Variants in PREPL observed in about 807,000 individuals in gnomAD.
PREPL encodes the protein prolyl endopeptidase-like.
PREPL carries 77 observed loss-of-function variants against 70.6 expected under a neutral mutation model. The observed-to-expected ratio is 1.09, with a 90% CI of 0.91 to 1.32. PREPL has a LOEUF of 1.32. Among genes scored for constraint, PREPL ranks in the 40% most tolerant of loss-of-function variants. The pLI is 0.00. For missense variants in PREPL, 1,002 were observed against 778.2 expected (o/e 1.29, Z -3.42); for synonymous variants, 315 against 264.8 (o/e 1.19, Z -1.84).
intron 10 of PREPL, 25 bp downstream of exon 10, chr2:44,326,687 A>C (rs1178624584): frequency 1.9e-6 from 3 of 1,599,882 alleles, no homozygotes; most frequent in Non-Finnish European, 2.6e-6. Flanking sequence ...CCATTCTATA[A>C]ACAGTAGAGA....
At chr2:44,358,817 A>AT (rs1242909706) in intron 1 of PREPL, among the ~76,000 whole-genome samples, 3 of 152,052 alleles carry the variant, frequency 2.0e-5, no homozygotes, top group South Asian at 2.1e-4. Flanking sequence ...ATTATTTTTC[A>AT]TTTTTTTACA....
chr2:44,342,710 A>G (rs924817684), intron 4 of PREPL, among the ~76,000 whole-genome samples, 158 bp from the exon 5 acceptor site: 1 of 152,078 alleles, frequency 6.6e-6, no homozygotes. Context: ...TGTGCTGTAT[A>G]TAAGCCAGAG....
intron 10 of PREPL, among the ~76,000 whole-genome samples, chr2:44,325,730 T>G (rs1321980487): frequency 6.6e-6 from 1 of 152,130 alleles, no homozygotes; most frequent in African/African-American, 2.4e-5. Flanking sequence ...TGACTACTAT[T>G]TAACACTTAT....
chr2:44,352,932 T>C (rs759553742), intron 1 of PREPL, among the ~76,000 whole-genome samples: 2 of 152,036 alleles, frequency 1.3e-5, no homozygotes, highest in Non-Finnish European at 2.9e-5. Flanking sequence ...AGAAAAACTA[T>C]AGGATCAATA....
intron 6 of PREPL, 31 bp from the exon 7 acceptor site, chr2:44,338,567 G>A: frequency 6.5e-7 from 1 of 1,546,766 alleles, no homozygotes; most frequent in Middle Eastern, 1.7e-4. Flanking sequence ...AGACATATAG[G>A]TAAGAAAACA....
At chr2:44,335,099 T>C (rs1674504422) in intron 7 of PREPL, among the ~76,000 whole-genome samples, 1 of 152,154 alleles carries the variant, frequency 6.6e-6, no homozygotes, top group African/African-American at 2.4e-5. Flanking sequence ...TTAATTCCAC[T>C]TGATGATGAC....
intron 1 of PREPL, among the ~76,000 whole-genome samples, chr2:44,355,364 T>G (rs1291355296): frequency 6.6e-6 from 1 of 152,150 alleles, no homozygotes; most frequent in African/African-American, 2.4e-5. Flanking sequence ...CTAGCCAACA[T>G]GGCGAAACCC....
In PREPL at chr2:44,321,920, G is replaced by A. The variant is rs1192640537; in HGVS notation, c.1754-20C>T. ...GATAGCCTGGAAGAGTTAACATGTA[G>A]AACAATTAGAAGATTGTATGGGATC... On this transcript the variant is annotated intron_variant, in intron 12 of 13. Coordinates refer to ENST00000409411, the MANE Select transcript of PREPL (RefSeq NM_001171613.2). 3.1e-6 allele frequency: 5 copies of A among 1,604,992 alleles called. No individual in the cohort carries two copies. In the Admixed American group the frequency reaches 5.1e-5, roughly 16 times the overall value.
intron 8 of PREPL, among the ~76,000 whole-genome samples, chr2:44,332,039 T>C (rs547885122): frequency 6.6e-6 from 1 of 150,642 alleles, no homozygotes; most frequent in South Asian, 2.1e-4. Context: ...CTCCGCCTCC[T>C]GGGTTCACGC....
At chr2:44,339,476 G>A in intron 5 of PREPL, 113 bp from the exon 6 acceptor site, 7 of 1,406,626 alleles carry the variant, frequency 5.0e-6, no homozygotes, top group Non-Finnish European at 6.6e-6. Context: ...AATGCAGATA[G>A]GAAATTAAAA....
At chr2:44,344,429 C>G (rs911863849) in intron 3 of PREPL, 91 bp downstream of exon 3, 2 of 971,266 alleles carry the variant, frequency 2.1e-6, no homozygotes, top group African/African-American at 1.7e-5. Flanking sequence ...TTAAAAAAAT[C>G]TTTTCTCTAT....
chr2:44,360,783 TC>T (rs1677663654), intron 1 of PREPL: 1 of 152,246 alleles, frequency 6.6e-6, no homozygotes, highest in Non-Finnish European at 1.5e-5. Flanking sequence ...TAGTGACCAC[TC>T]AATAAATGGC....
chr2:44,321,244 AAATT>A lies in PREPL; in HGVS notation c.*108_*111del, dbSNP rs1168961775. On this transcript the variant is annotated 3_prime_UTR_variant, in exon 14 of 14. Transcript: ENST00000409411. ...TTTAGATGGAGAAGCACATTTTAAAAAATTAATAACTTAAAAGTCTCAAGTTATT... is the reference window on the plus strand; with the variant it reads ...TTTAGATGGAGAAGCACATTTTAAAAAATAACTTAAAAGTCTCAAGTTATT... 2 of 967,302 alleles carry A rather than the reference AAATT, an allele frequency of 2.1e-6. No homozygotes were observed. Among genetic ancestry groups the A allele is most frequent in the Non-Finnish European group, 1.5e-6 (1 of 652,968 alleles). The allele number at this position is 967,302 out of a possible 1,614,324, so 59.9% of individuals were successfully genotyped here.
At chr2:44,348,048 CAT>C (rs555304998) in intron 1 of PREPL, among the ~76,000 whole-genome samples, 42 of 152,162 alleles carry the variant, frequency 2.8e-4, no homozygotes, top group African/African-American at 9.9e-4. Flanking sequence ...TACTTACTAT[CAT>C]ATAATTTTCT....
intron 1 of PREPL, chr2:44,359,783 T>C: frequency 8.8e-7 from 1 of 1,142,434 alleles, no homozygotes; most frequent in Non-Finnish European, 1.3e-6. Flanking sequence ...ATAGGTATGA[T>C]TACAGAGTAG....
intron 1 of PREPL, among the ~76,000 whole-genome samples, chr2:44,348,826 C>T (rs1409282486): frequency 2.0e-5 from 3 of 152,182 alleles, no homozygotes; most frequent in South Asian, 2.1e-4. Flanking sequence ...TTAAGTACTC[C>T]AGGTTACTTT....
In PREPL at chr2:44,339,554, G is replaced by C. The variant is rs75339650; in HGVS notation, c.486-191C>G. On this transcript the variant is annotated intron_variant, in intron 5 of 13. Coordinates refer to ENST00000409411, the MANE Select transcript of PREPL (RefSeq NM_001171613.2). ...ATTATTTTTCTCATTTTCTCCTAAA[G>C]GGCATTCAAAATAATTTACTTCTAA... Among the ~76,000 whole-genome samples, 6,958 of 152,122 alleles carry C rather than the reference G, an allele frequency of 0.046. 515 individuals carry two copies. The highest frequency in any genetic ancestry group is 0.16 in the African/African-American group (6,601 of 41,472).
rs555972451 is a variant in PREPL, at chr2:44,352,060, G to A, written c.-48-5670C>T. Among the ~76,000 whole-genome samples, 29 of 152,254 alleles carry A rather than the reference G, an allele frequency of 1.9e-4. No homozygotes were observed. In the South Asian group the frequency reaches 6.0e-3, roughly 32 times the overall value. ...AGCTTGCTCCCATATCAGTTTCTTA[G>A]AACTTGGGCCCTATGCCCAAATACC... On this transcript the variant is annotated intron_variant, in intron 1 of 13. Coordinates refer to ENST00000409411, the MANE Select transcript of PREPL (RefSeq NM_001171613.2).
At chr2:44,350,497 C>A (rs575645910) in intron 1 of PREPL, among the ~76,000 whole-genome samples, 2 of 150,574 alleles carry the variant, frequency 1.3e-5, no homozygotes, top group Non-Finnish European at 3.0e-5. Flanking sequence ...AATCAAAATA[C>A]CTGAAATTAA....
Sources: gnomAD v4.1 joint callset for allele counts (sites outside exome capture counted in the v4.1 genomes callset) on GRCh38, gnomAD v4.1.1 for gene constraint, MANE v1.5 for transcripts, NCBI Gene and HGNC (gene_info 2026-07-23, HGNC 2026-07-21) for gene names.